ARHGEF4: variants seen among roughly 807,000 people sequenced by gnomAD.
The protein encoded by ARHGEF4 is APC-stimulated guanine nucleotide exchange factor 1.
ARHGEF4 carries 119 observed loss-of-function variants against 162.0 expected under a neutral mutation model. The ratio of observed to expected loss-of-function variants is 0.73; its 90% CI spans 0.63 to 0.86. ARHGEF4 has a LOEUF of 0.86. Ranked by LOEUF, ARHGEF4 falls within the 40% of genes least tolerant of loss-of-function variation. The pLI is 0.00. For missense variants in ARHGEF4, 2,488 were observed against 2,456.0 expected, an observed-to-expected ratio of 1.01 and a Z score of -0.28; for synonymous variants, 1,014 against 979.9, an observed-to-expected ratio of 1.03 and a Z score of -0.65.
At chr2:130,909,757 C>T (rs750629174) in intron 1 of ARHGEF4, among the ~76,000 whole-genome samples, 10 of 152,082 alleles carry the variant, frequency 6.6e-5, no homozygotes, top group East Asian at 1.9e-4. Context: ...CAGGGCTGGG[C>T]GGGGTGGCAG....
intron 2 of ARHGEF4, among the ~76,000 whole-genome samples, chr2:130,921,446 G>C (rs1352676135): frequency 2.6e-5 from 4 of 152,100 alleles, no homozygotes; most frequent in Non-Finnish European, 4.4e-5. Flanking sequence ...ATTTCTGTGG[G>C]TTGCATTTTA....
At chr2:130,847,094 A>G (rs1282125435) in intron 1 of ARHGEF4, among the ~76,000 whole-genome samples, 2 of 152,108 alleles carry the variant, frequency 1.3e-5, no homozygotes, top group Non-Finnish European at 2.9e-5. Flanking sequence ...TTCCTGACGC[A>G]CTGGGTCCAG....
chr2:130,920,423 G>A (rs545835007), intron 2 of ARHGEF4, among the ~76,000 whole-genome samples: 6 of 152,286 alleles, frequency 3.9e-5, no homozygotes, highest in South Asian at 2.1e-4. Flanking sequence ...ATGTGAGTTC[G>A]TATTCCTCTT....
At chr2:130,837,624 G>A in intron 1 of ARHGEF4, 1 of 451,312 alleles carries the variant, frequency 2.2e-6, no homozygotes, top group Middle Eastern at 3.9e-4. Context: ...GCCCCCACAG[G>A]AACCCCAAGA....
chr2:130,847,958 G>T (rs1185930169), intron 1 of ARHGEF4, among the ~76,000 whole-genome samples: 1 of 152,238 alleles, frequency 6.6e-6, no homozygotes, highest in Non-Finnish European at 1.5e-5. Flanking sequence ...CGCTGGGCTG[G>T]GGTCTGTCTG....
intron 4 of ARHGEF4, among the ~76,000 whole-genome samples, chr2:130,958,354 T>G (rs1159047155): frequency 6.6e-6 from 1 of 152,202 alleles, no homozygotes; most frequent in South Asian, 2.1e-4. Flanking sequence ...TGAATTGTCA[T>G]TGATTTTCTT....
intron 4 of ARHGEF4, among the ~76,000 whole-genome samples, chr2:131,023,613 C>T (rs1460404721): frequency 6.6e-6 from 1 of 152,142 alleles, no homozygotes; most frequent in Non-Finnish European, 1.5e-5. Flanking sequence ...ATACCAAATG[C>T]TGCTGAAGAT....
chr2:130,880,258 G>A (rs1412786942), intron 1 of ARHGEF4, among the ~76,000 whole-genome samples: 3 of 152,182 alleles, frequency 2.0e-5, no homozygotes, highest in African/African-American at 7.2e-5. Flanking sequence ...GGCTGAGGAA[G>A]GTGGTGTCAT....
chr2:131,039,326 C>A (rs1690574238), intron 6 of ARHGEF4: 1 of 1,210,542 alleles, frequency 8.3e-7, no homozygotes. Context: ...AGACATTTCC[C>A]AAGCCCTGAA....
At chr2:131,022,813 T>A (rs532237787) in intron 4 of ARHGEF4, among the ~76,000 whole-genome samples, 2 of 151,724 alleles carry the variant, frequency 1.3e-5, no homozygotes, top group South Asian at 4.2e-4. Flanking sequence ...AAAAGGAAAA[T>A]TTGAGAAATT....
chr2:130,955,553 C>A (rs866242057), intron 4 of ARHGEF4, among the ~76,000 whole-genome samples: 3 of 152,214 alleles, frequency 2.0e-5, no homozygotes, highest in Non-Finnish European at 4.4e-5. Flanking sequence ...TGCCCACAGT[C>A]ACCCATGGAT....
chr2:131,031,925 C>T (rs556778142), intron 5 of ARHGEF4, among the ~76,000 whole-genome samples: 1 of 152,306 alleles, frequency 6.6e-6, no homozygotes, highest in African/African-American at 2.4e-5. Context: ...CACCCAGCTC[C>T]CTCCCCACCA....
intron 1 of ARHGEF4, among the ~76,000 whole-genome samples, chr2:130,905,920 A>C (rs1680785215): frequency 6.6e-6 from 1 of 152,196 alleles, no homozygotes; most frequent in African/African-American, 2.4e-5. Context: ...CCCACAGATA[A>C]GGGGGAACTA....
chr2:130,841,653 A>G (rs567859052), intron 1 of ARHGEF4, among the ~76,000 whole-genome samples: 1 of 152,274 alleles, frequency 6.6e-6, no homozygotes, highest in South Asian at 2.1e-4. Context: ...GTCTGTGGCA[A>G]TATTCCAAGC....
intron 1 of ARHGEF4, 102 bp from the exon 2 acceptor site, chr2:130,913,884 A>G (rs2105052072): frequency 1.4e-5 from 20 of 1,412,810 alleles, no homozygotes; most frequent in Non-Finnish European, 1.8e-5. Flanking sequence ...CTAATGAGCC[A>G]TTTCTGAGCC....
At chr2:131,029,252 G>A (rs1333538299) in intron 5 of ARHGEF4, among the ~76,000 whole-genome samples, 5 of 152,026 alleles carry the variant, frequency 3.3e-5, no homozygotes, top group East Asian at 1.9e-4. Flanking sequence ...CCAGCTACTC[G>A]AGAGGCTGAG....
At chr2:131,039,947 C>A in intron 6 of ARHGEF4, 69 bp from the exon 7 acceptor site, 1 of 1,519,682 alleles carries the variant, frequency 6.6e-7, no homozygotes, top group South Asian at 1.2e-5. Context: ...GTTCCCGCCG[C>A]TGCGGCGCAG....
At chr2:130,939,948 G>A (rs547009365) in intron 3 of ARHGEF4, among the ~76,000 whole-genome samples, 11 of 152,300 alleles carry the variant, frequency 7.2e-5, no homozygotes, top group African/African-American at 2.4e-4. Flanking sequence ...CTGTGACTCT[G>A]CTGAATTCAT....
At chr2:130,982,979 A>T (rs1355424463) in intron 4 of ARHGEF4, among the ~76,000 whole-genome samples, 1 of 152,224 alleles carries the variant, frequency 6.6e-6, no homozygotes, top group African/African-American at 2.4e-5. Flanking sequence ...GAACTATCAG[A>T]TATGAACATT....
Sources: gnomAD v4.1 joint callset for allele counts (sites outside exome capture counted in the v4.1 genomes callset) on GRCh38, gnomAD v4.1.1 for gene constraint, MANE v1.5 for transcripts, NCBI Gene and HGNC (gene_info 2026-07-23, HGNC 2026-07-21) for gene names.